GPM6A: variants seen among roughly 807,000 people sequenced by gnomAD.
GPM6A encodes glycoprotein M6A.
A neutral mutation model predicts 32.1 loss-of-function variants in GPM6A; 7 were observed. The observed-to-expected ratio is 0.22, with a 90% CI of 0.12 to 0.41. The LOEUF (loss-of-function observed/expected upper bound fraction) is 0.41, where lower values mean the gene tolerates loss of function less well. Among genes scored for constraint, GPM6A ranks in the 10% least tolerant of loss-of-function variants. GPM6A has a pLI of 1.00. For synonymous variants in GPM6A, 130 were observed against 123.4 expected, an observed-to-expected ratio of 1.05 and a Z score of -0.35; for missense variants, 235 against 347.2, an observed-to-expected ratio of 0.68 and a Z score of 2.57.
chr4:175,743,865 T>C (rs1444137073), intron 1 of GPM6A, among the ~76,000 whole-genome samples: 1 of 151,478 alleles, frequency 6.6e-6, no homozygotes, highest in Non-Finnish European at 1.5e-5. Flanking sequence ...ACATCAAGTA[T>C]ATAATGTAAT....
intron 1 of GPM6A, among the ~76,000 whole-genome samples, chr4:175,946,121 A>T (rs1302591892): frequency 6.6e-6 from 1 of 152,120 alleles, no homozygotes; most frequent in Non-Finnish European, 1.5e-5. Context: ...TGTACCCCCT[A>T]AATCTATAAA....
At chr4:175,922,072 T>TA (rs1381518428) in intron 1 of GPM6A, among the ~76,000 whole-genome samples, 2 of 152,164 alleles carry the variant, frequency 1.3e-5, no homozygotes, top group Admixed American at 6.5e-5. Context: ...ACCTAATACT[T>TA]ACATGATTCA....
At chr4:175,737,460 T>C (rs555983587) in intron 1 of GPM6A, among the ~76,000 whole-genome samples, 4 of 151,868 alleles carry the variant, frequency 2.6e-5, no homozygotes, top group Non-Finnish European at 4.4e-5. Context: ...TGAGCCGAGA[T>C]TGTGCCATTG....
chr4:175,844,511 A>C (rs191363174), intron 1 of GPM6A, among the ~76,000 whole-genome samples: 5 of 152,248 alleles, frequency 3.3e-5, no homozygotes, highest in African/African-American at 4.8e-5. Context: ...TGATTTGTTC[A>C]TTTTAGGTTT....
At chr4:175,968,744 G>C (rs1015417835) in intron 1 of GPM6A, among the ~76,000 whole-genome samples, 1 of 152,152 alleles carries the variant, frequency 6.6e-6, no homozygotes, top group African/African-American at 2.4e-5. Flanking sequence ...ACACACTTGT[G>C]AGAATGGCAA....
At chr4:175,961,775 G>A (rs1740172002) in intron 1 of GPM6A, among the ~76,000 whole-genome samples, 1 of 152,092 alleles carries the variant, frequency 6.6e-6, no homozygotes, top group Non-Finnish European at 1.5e-5. Flanking sequence ...TACCCTCAAG[G>A]GAAAATATTC....
chr4:175,855,542 G>A (rs1736390495), intron 1 of GPM6A, among the ~76,000 whole-genome samples: 1 of 152,130 alleles, frequency 6.6e-6, no homozygotes, highest in African/African-American at 2.4e-5. Flanking sequence ...AAGGCAAAAG[G>A]AACTGAACAT....
At chr4:175,754,324 A>T (rs1363675533) in intron 1 of GPM6A, among the ~76,000 whole-genome samples, 1 of 152,130 alleles carries the variant, frequency 6.6e-6, no homozygotes, top group Non-Finnish European at 1.5e-5. Flanking sequence ...GGTTTAAGGG[A>T]GAGGGATTAA....
chr4:175,635,347 T>C (rs1231300416), intron 6 of GPM6A, among the ~76,000 whole-genome samples: 2 of 152,144 alleles, frequency 1.3e-5, no homozygotes, highest in Non-Finnish European at 2.9e-5. Context: ...TCCTGCCCAA[T>C]GTGTCCTCAT....
chr4:175,686,926 G>A (rs1292805423), intron 2 of GPM6A, among the ~76,000 whole-genome samples: 1 of 152,184 alleles, frequency 6.6e-6, no homozygotes, highest in African/African-American at 2.4e-5. Context: ...TTTAGAGCTG[G>A]AAAATGGCAA....
chr4:175,724,850 A>T (rs1028030145), intron 1 of GPM6A, among the ~76,000 whole-genome samples: 1 of 151,962 alleles, frequency 6.6e-6, no homozygotes, highest in African/African-American at 2.4e-5. Flanking sequence ...GTTGTCCCTC[A>T]TAACTGCTCC....
At chr4:175,867,569 G>A (rs1445515623) in intron 1 of GPM6A, among the ~76,000 whole-genome samples, 1 of 151,960 alleles carries the variant, frequency 6.6e-6, no homozygotes, top group Non-Finnish European at 1.5e-5. Context: ...TATTTATGTG[G>A]GGCTATTTCT....
At chr4:175,670,152 G>T (rs1030868210) in intron 3 of GPM6A, among the ~76,000 whole-genome samples, 2 of 152,156 alleles carry the variant, frequency 1.3e-5, no homozygotes, top group Non-Finnish European at 2.9e-5. Flanking sequence ...ACTTCCAAAA[G>T]TTATTATTGT....
chr4:175,849,676 C>T (rs1259017133), intron 1 of GPM6A, among the ~76,000 whole-genome samples: 2 of 152,108 alleles, frequency 1.3e-5, no homozygotes, highest in Non-Finnish European at 2.9e-5. Flanking sequence ...AATCTTATAA[C>T]TTTTATTTGA....
intron 1 of GPM6A, among the ~76,000 whole-genome samples, chr4:175,990,101 A>G (rs1290265503): frequency 6.6e-6 from 1 of 152,176 alleles, no homozygotes; most frequent in East Asian, 1.9e-4. Context: ...AATACTTTTC[A>G]TTTGTTTGTG....
At chr4:175,664,380 C>G (rs1208238014) in intron 3 of GPM6A, among the ~76,000 whole-genome samples, 1 of 152,104 alleles carries the variant, frequency 6.6e-6, no homozygotes, top group Non-Finnish European at 1.5e-5. Context: ...TTGATTGTAA[C>G]AAATGTACCA....
At chr4:175,649,186 G>C (rs1207751917) in intron 4 of GPM6A, among the ~76,000 whole-genome samples, 1 of 152,136 alleles carries the variant, frequency 6.6e-6, no homozygotes, top group Non-Finnish European at 1.5e-5. Flanking sequence ...TTTTAGACCA[G>C]ACAGCTGGAC....
intron 1 of GPM6A, among the ~76,000 whole-genome samples, chr4:175,721,114 T>G (rs2111115490): frequency 6.9e-6 from 1 of 144,366 alleles, no homozygotes; most frequent in South Asian, 2.1e-4. Context: ...TATATATATA[T>G]TTTCTATTTT....
chr4:175,862,641 G>A (rs956171824), intron 1 of GPM6A, among the ~76,000 whole-genome samples: 14 of 152,026 alleles, frequency 9.2e-5, no homozygotes, highest in African/African-American at 1.7e-4. Flanking sequence ...TTTGGAGCAC[G>A]TGGCAATGTT....
Sources: gnomAD v4.1 joint callset for allele counts (sites outside exome capture counted in the v4.1 genomes callset) on GRCh38, gnomAD v4.1.1 for gene constraint, MANE v1.5 for transcripts, NCBI Gene and HGNC (gene_info 2026-07-23, HGNC 2026-07-21) for gene names.